PRRG1: variants seen among roughly 807,000 people sequenced by gnomAD.
The protein encoded by PRRG1 is transmembrane gamma-carboxyglutamic acid protein 1.
A neutral mutation model predicts 11.8 loss-of-function variants in PRRG1; 5 were observed. That is an observed-to-expected ratio of 0.42 (90% CI 0.22 to 0.89). The LOEUF is 0.89. PRRG1 is among the 40% of genes least tolerant of loss of function. The probability of loss-of-function intolerance (pLI) is 0.28; values close to 1 mark genes in which losing one functional copy is unlikely to be tolerated. For missense variants in PRRG1, 155 were observed against 166.1 expected, an observed-to-expected ratio of 0.93 and a Z score of 0.37; for synonymous variants, 66 against 60.4, an observed-to-expected ratio of 1.09 and a Z score of -0.43.
chrX:37,397,551 AG>A (rs782366130), intron 1 of PRRG1, among the ~76,000 whole-genome samples: 83 of 112,622 alleles, frequency 7.4e-4, no homozygotes, highest in African/African-American at 2.5e-3. Flanking sequence ...CATCAGGATG[AG>A]GTAGCATTAT....
rs1932967794 is a variant in PRRG1 at position 37,441,076 on chromosome X, T to G, written c.172-12060T>G. The G allele has an allele frequency of 9.6e-6, 9 of 939,064 alleles. No homozygotes were observed. In the South Asian group the frequency reaches 5.0e-4, roughly 52 times the overall value. 77.4% of individuals were successfully genotyped at this position (939,064 alleles called of 1,213,427 possible). On this transcript the variant is annotated intron_variant, in intron 3 of 3. Coordinates refer to ENST00000378628, the MANE Select transcript of PRRG1 (RefSeq NM_001142395.2). ...TGAGACACCATGCCCGGCCATCTATTTTAAAATATTTAAACTCAAGGCAAA... is the reference window on the plus strand; with the variant it reads ...TGAGACACCATGCCCGGCCATCTATGTTAAAATATTTAAACTCAAGGCAAA...
chrX:37,452,891 C>T (rs1921196553), intron 3 of PRRG1, among the ~76,000 whole-genome samples: 1 of 112,161 alleles, frequency 8.9e-6, no homozygotes, highest in African/African-American at 3.2e-5. Flanking sequence ...ATATAAATAA[C>T]TCCAAGTCTT....
intron 1 of PRRG1, among the ~76,000 whole-genome samples, chrX:37,380,626 C>T (rs782152735): frequency 9.0e-6 from 1 of 110,846 alleles, no homozygotes; most frequent in East Asian, 2.8e-4. Flanking sequence ...GACAGAACTC[C>T]CTCCATACCT....
intron 3 of PRRG1, among the ~76,000 whole-genome samples, chrX:37,446,329 A>G (rs1933075130): frequency 9.0e-6 from 1 of 111,638 alleles, no homozygotes; most frequent in Non-Finnish European, 1.9e-5. Context: ...AATTGAAATT[A>G]GTCTACACAG....
intron 1 of PRRG1, among the ~76,000 whole-genome samples, chrX:37,395,818 A>G (rs1419734663): frequency 8.9e-6 from 1 of 111,757 alleles, no homozygotes; most frequent in Non-Finnish European, 1.9e-5. Context: ...ATTTTAGTGC[A>G]TCTAATAAGA....
intron 1 of PRRG1, among the ~76,000 whole-genome samples, chrX:37,363,471 TCTCCCTGTG>T (rs1260824839): frequency 1.8e-5 from 2 of 112,440 alleles, no homozygotes; most frequent in Non-Finnish European, 3.8e-5. Context: ...GAAAGGGTAA[TCTCCCTGTG>T]CTTAACACAG....
chrX:37,367,927 T>C (rs1322741335), intron 1 of PRRG1, among the ~76,000 whole-genome samples: 2 of 112,787 alleles, frequency 1.8e-5, no homozygotes, highest in South Asian at 7.2e-4. Context: ...CCTTTTGCTG[T>C]AATACATTTT....
At chrX:37,448,829 C>T (rs1449377900) in intron 3 of PRRG1, among the ~76,000 whole-genome samples, 1 of 111,538 alleles carries the variant, frequency 9.0e-6, no homozygotes, top group Non-Finnish European at 1.9e-5. Flanking sequence ...TAGAGTCTCC[C>T]TATGTTTCCC....
intron 3 of PRRG1, chrX:37,442,093 G>A: frequency 1.3e-6 from 1 of 763,828 alleles, no homozygotes; most frequent in Non-Finnish European, 1.6e-6. Context: ...GGGCCCCACA[G>A]CCACGGTGTG....
At chrX:37,372,430 A>T (rs932584477) in intron 1 of PRRG1, among the ~76,000 whole-genome samples, 7 of 111,816 alleles carry the variant, frequency 6.3e-5, no homozygotes, top group Non-Finnish European at 3.8e-5. Flanking sequence ...CAGCCTCCCA[A>T]GTAGTTGGGA....
At chrX:37,378,926 T>C (rs1388249140) in intron 1 of PRRG1, among the ~76,000 whole-genome samples, 1 of 109,729 alleles carries the variant, frequency 9.1e-6, no homozygotes, top group Non-Finnish European at 1.9e-5. Context: ...AGGTTTTATG[T>C]CATTTTGGTA....
intron 1 of PRRG1, among the ~76,000 whole-genome samples, chrX:37,394,498 G>A (rs192122221): frequency 2.2e-3 from 244 of 112,097 alleles, no homozygotes; most frequent in African/African-American, 7.5e-3. Context: ...TTGTGTCCAA[G>A]CACTGTGGTG....
chrX:37,430,065 C>A (rs1156642554), intron 3 of PRRG1, among the ~76,000 whole-genome samples: 2 of 112,039 alleles, frequency 1.8e-5, no homozygotes, highest in Non-Finnish European at 3.8e-5. Context: ...ATATACAATT[C>A]AAGATTTGGG....
chrX:37,410,719 C>T (rs1241847434), intron 2 of PRRG1, among the ~76,000 whole-genome samples: 3 of 112,044 alleles, frequency 2.7e-5, no homozygotes, highest in African/African-American at 9.7e-5. Flanking sequence ...TAGTAGATAA[C>T]AAAACAACTC....
chrX:37,448,131 A>T (rs1470944400), intron 3 of PRRG1, among the ~76,000 whole-genome samples: 1 of 112,120 alleles, frequency 8.9e-6, no homozygotes, highest in Admixed American at 9.5e-5. Context: ...AATTGGACAA[A>T]ACACACAAAC....
chrX:37,398,631 G>A (rs1455620724), intron 1 of PRRG1, among the ~76,000 whole-genome samples: 4 of 112,592 alleles, frequency 3.6e-5, no homozygotes, highest in Non-Finnish European at 7.5e-5. Flanking sequence ...GCTGGACAGA[G>A]AATGACTTTG....
At chrX:37,419,299 A>G in intron 2 of PRRG1, among the ~76,000 whole-genome samples, 1 of 111,970 alleles carries the variant, frequency 8.9e-6, no homozygotes, top group Non-Finnish European at 1.9e-5. Flanking sequence ...ATGATAAGCT[A>G]TCAACATATA....
At chrX:37,403,535 C>T (rs377638232) in intron 1 of PRRG1, among the ~76,000 whole-genome samples, 20 of 103,877 alleles carry the variant, frequency 1.9e-4, no homozygotes, top group African/African-American at 3.2e-4. Flanking sequence ...GGCTAAATGA[C>T]GAGTTAATGG....
chrX:37,441,140 A>G (rs1206427148), intron 3 of PRRG1: 1 of 785,414 alleles, frequency 1.3e-6, no homozygotes, highest in African/African-American at 5.8e-5. Flanking sequence ...AGGAGCTATT[A>G]TACCAGAAAC....
Sources: allele counts gnomAD v4.1 joint callset (sites outside exome capture counted in the v4.1 genomes callset), GRCh38; gene constraint gnomAD v4.1.1; transcripts MANE v1.5; gene names NCBI Gene and HGNC (gene_info 2026-07-23, HGNC 2026-07-21).